Variants in NSUN6 observed in about 807,000 individuals in gnomAD.
NSUN6 encodes tRNA (cytosine(72)-C(5))-methyltransferase NSUN6.
A neutral mutation model predicts 58.0 loss-of-function variants in NSUN6; 64 were observed. The ratio of observed to expected loss-of-function variants is 1.10; its 90% CI spans 0.90 to 1.36. NSUN6 has a LOEUF of 1.36. Among genes scored for constraint, NSUN6 ranks in the 40% most tolerant of loss-of-function variants. The pLI, the probability that NSUN6 is intolerant of heterozygous loss-of-function variation, is 0.00. For missense variants in NSUN6, 701 were observed against 550.1 expected (o/e 1.27, Z -2.74); for synonymous variants, 231 against 193.9 (o/e 1.19, Z -1.59).
At chr10:18,636,032 T>C (rs540120274) in intron 3 of NSUN6, among the ~76,000 whole-genome samples, 3 of 151,408 alleles carry the variant, frequency 2.0e-5, no homozygotes, top group South Asian at 4.2e-4. Context: ...ACAATAACAT[T>C]TGATACCACA....
intron 8 of NSUN6, among the ~76,000 whole-genome samples, chr10:18,583,650 C>T (rs907227264): frequency 1.3e-5 from 2 of 151,920 alleles, no homozygotes; most frequent in Non-Finnish European, 2.9e-5. Flanking sequence ...GAGATATGGT[C>T]GCCATGTTTC....
At chr10:18,635,707 G>A (rs1227114474) in intron 3 of NSUN6, among the ~76,000 whole-genome samples, 1 of 151,606 alleles carries the variant, frequency 6.6e-6, no homozygotes, top group African/African-American at 2.4e-5. Context: ...GTATGGTGGT[G>A]GGCACCTGTA....
chr10:18,636,387 A>C (rs1437353163), intron 3 of NSUN6, among the ~76,000 whole-genome samples: 1 of 151,190 alleles, frequency 6.6e-6, no homozygotes, highest in African/African-American at 2.4e-5. Context: ...CTGGCCGGCC[A>C]TGGTGGCTGG....
intron 8 of NSUN6, among the ~76,000 whole-genome samples, chr10:18,563,530 G>C (rs1330719657): frequency 1.3e-5 from 2 of 150,334 alleles, no homozygotes; most frequent in African/African-American, 2.4e-5. Flanking sequence ...AGAATGGAGA[G>C]TGGAATGGAG....
At chr10:18,637,496 C>T (rs1001044294) in intron 3 of NSUN6, among the ~76,000 whole-genome samples, 1 of 152,178 alleles carries the variant, frequency 6.6e-6, no homozygotes, top group African/African-American at 2.4e-5. Context: ...ATGGCCAGTA[C>T]TGGCAAGAAT....
chr10:18,578,537 C>T (rs943271756), intron 8 of NSUN6, among the ~76,000 whole-genome samples: 1 of 152,168 alleles, frequency 6.6e-6, no homozygotes, highest in African/African-American at 2.4e-5. Flanking sequence ...TCCCTGCACT[C>T]ATCAGCTCTA....
Position 18,648,535 on chromosome 10 carries a change from G to A in NSUN6, c.186C>T (p.Ala62=). The A allele has an allele frequency of 6.2e-7, 1 of 1,609,032 alleles. No individual in the cohort carries two copies. The highest frequency in any genetic ancestry group is 8.5e-7 in the Non-Finnish European group (1 of 1,175,630). ...FTTVRVNTHL[A]SVQHVKNLLL... Reference sequence around the variant, plus strand: ...ACAGATTTTTCACATGTTGTACTGAGGCTAAATGTGTATTCACTCTGACAG... The same window carrying A: ...ACAGATTTTTCACATGTTGTACTGAAGCTAAATGTGTATTCACTCTGACAG... Residue 62 remains alanine (A), a synonymous_variant, in exon 2 of 11, where the codon GCC becomes GCT. Transcript: ENST00000377304.
chr10:18,553,443 C>T (rs1028947850), intron 8 of NSUN6, among the ~76,000 whole-genome samples: 6 of 136,554 alleles, frequency 4.4e-5, no homozygotes, highest in Admixed American at 7.3e-5. Flanking sequence ...GAATGGAATG[C>T]GAAATGGAAT....
At chr10:18,555,788 T>C (rs1280189028) in intron 8 of NSUN6, among the ~76,000 whole-genome samples, 2 of 140,380 alleles carry the variant, frequency 1.4e-5, no homozygotes, top group Non-Finnish European at 3.0e-5. Flanking sequence ...GAATGGAGAA[T>C]GGAATGGAAA....
At chr10:18,576,702 C>T (rs915887216) in intron 8 of NSUN6, among the ~76,000 whole-genome samples, 2 of 152,184 alleles carry the variant, frequency 1.3e-5, no homozygotes, top group South Asian at 2.1e-4. Context: ...CCTTGGAGAC[C>T]GGAAGGGATG....
chr10:18,562,726 C>T (rs149250048), intron 8 of NSUN6, among the ~76,000 whole-genome samples: 10 of 131,094 alleles, frequency 7.6e-5, no homozygotes, highest in East Asian at 2.4e-4. Context: ...GAATGGAATG[C>T]GAAATGGAAT....
chr10:18,567,870 C>A (rs1157126504), intron 8 of NSUN6, among the ~76,000 whole-genome samples: 1 of 149,738 alleles, frequency 6.7e-6, no homozygotes, highest in Admixed American at 6.7e-5. Flanking sequence ...CTATTCCATT[C>A]TCCATACCAT....
intron 9 of NSUN6, among the ~76,000 whole-genome samples, chr10:18,551,294 T>TGTGGA (rs1589815994): frequency 6.5e-5 from 4 of 61,900 alleles, no homozygotes; most frequent in Admixed American, 1.4e-4. Context: ...GTGTGTGTGG[T>TGTGGA]AAAATATAAA....
At chr10:18,654,416 C>T (rs943709567), upstream of NSUN6, 2 of 152,200 alleles carry the variant, frequency 1.3e-5, no homozygotes, top group African/African-American at 4.8e-5. Flanking sequence ...TGGCTATCTC[C>T]ATTCAAGGGA....
At chr10:18,570,210 C>G (rs1030562789) in intron 8 of NSUN6, among the ~76,000 whole-genome samples, 3 of 150,814 alleles carry the variant, frequency 2.0e-5, no homozygotes, top group African/African-American at 7.3e-5. Context: ...CCATTCATGT[C>G]CATCCCATTC....
chr10:18,574,072 T>C (rs1397427401), intron 8 of NSUN6, among the ~76,000 whole-genome samples: 1 of 152,120 alleles, frequency 6.6e-6, no homozygotes, highest in Non-Finnish European at 1.5e-5. Context: ...ACCTTTTTGT[T>C]AATGTGGACA....
At chr10:18,593,176 G>A (rs1038639730) in intron 7 of NSUN6, among the ~76,000 whole-genome samples, 2 of 152,172 alleles carry the variant, frequency 1.3e-5, no homozygotes, top group African/African-American at 4.8e-5. Flanking sequence ...ACGCCAGTTT[G>A]AATGGCGATT....
rs905589255 is a variant in NSUN6 at position 18,545,716 on chromosome 10, TA to T, written c.*216del. 21,035 of 369,084 alleles carry T rather than the reference TA, an allele frequency of 0.057. No homozygotes were observed. The highest frequency in any genetic ancestry group is 0.086 in the Middle Eastern group (116 of 1,350). 22.9% of individuals were successfully genotyped at this position (369,084 alleles called of 1,614,324 possible). A position where few individuals can be genotyped will look rare whatever the true frequency, so the allele number is the denominator to read the frequency against. ...TTTTCTTTATACTCTACTAAATACATAAAAAAAAAAAATCTTTTAAAAACAG... is the reference window on the plus strand; with the variant it reads ...TTTTCTTTATACTCTACTAAATACATAAAAAAAAAAATCTTTTAAAAACAG... On this transcript the variant is annotated 3_prime_UTR_variant, in exon 11 of 11. Coordinates refer to ENST00000377304, the MANE Select transcript of NSUN6 (RefSeq NM_182543.5).
chr10:18,568,623 C>CTCCAT (rs1000188861), intron 8 of NSUN6, among the ~76,000 whole-genome samples: 1 of 150,762 alleles, frequency 6.6e-6, no homozygotes, highest in African/African-American at 2.4e-5. Flanking sequence ...GCATTCCATT[C>CTCCAT]TCCATTCCAT....
Sources: allele counts gnomAD v4.1 joint callset (sites outside exome capture counted in the v4.1 genomes callset), GRCh38; gene constraint gnomAD v4.1.1; transcripts MANE v1.5; gene names NCBI Gene and HGNC (gene_info 2026-07-23, HGNC 2026-07-21).